Variants in PTPRO observed in about 807,000 individuals in gnomAD.
PTPRO encodes the protein protein tyrosine phosphatase receptor type O, also known as receptor-type tyrosine-protein phosphatase O.
A neutral mutation model predicts 145.2 loss-of-function variants in PTPRO; 62 were observed. That is an observed-to-expected ratio of 0.43 (90% CI 0.35 to 0.53). The LOEUF is 0.53. Among genes scored for constraint, PTPRO ranks in the 20% least tolerant of loss-of-function variants. PTPRO has a pLI of 0.01. For synonymous variants in PTPRO, 565 were observed against 514.7 expected (o/e 1.10, Z -1.32); for missense variants, 1,345 against 1,482.7 (o/e 0.91, Z 1.53).
intron 1 of PTPRO, among the ~76,000 whole-genome samples, chr12:15,400,280 T>G (rs1200735678): frequency 6.6e-6 from 1 of 151,744 alleles, no homozygotes; most frequent in Non-Finnish European, 1.5e-5. Context: ...TGTGAGCCAC[T>G]GTGCCAATGT....
intron 25 of PTPRO, among the ~76,000 whole-genome samples, chr12:15,593,512 T>C (rs1212237587): frequency 6.6e-6 from 1 of 152,226 alleles, no homozygotes; most frequent in African/African-American, 2.4e-5. Flanking sequence ...TGTATGTATA[T>C]ATGTGTGTTA....
chr12:15,508,710 G>C lies in PTPRO; in HGVS notation c.1407G>C (p.Ser469=). 6.2e-7 allele frequency: 1 copy of C among 1,614,102 alleles called. No individual in the cohort carries two copies. The highest frequency in any genetic ancestry group is 8.5e-7 in the Non-Finnish European group (1 of 1,179,990). Residue 469 remains serine (S), a synonymous_variant, in exon 7 of 27, where the codon TCG becomes TCC. Coordinates refer to ENST00000281171, the MANE Select transcript of PTPRO (RefSeq NM_030667.3). ...NYNSTIVSVV[S]LTCQKQKESQ... Reference sequence around the variant, plus strand: ...ACAGCACCATTGTGTCTGTGGTGTCGCTGACCTGCCAGAAACAAAAGGAGA... The same window carrying C: ...ACAGCACCATTGTGTCTGTGGTGTCCCTGACCTGCCAGAAACAAAAGGAGA...
intron 2 of PTPRO, among the ~76,000 whole-genome samples, chr12:15,488,328 G>A (rs1291051929): frequency 6.6e-6 from 1 of 152,132 alleles, no homozygotes; most frequent in African/African-American, 2.4e-5. Flanking sequence ...TCAGAAGTGG[G>A]AATTAGTGCA....
chr12:15,557,272 C>T (rs1766713293), intron 15 of PTPRO, among the ~76,000 whole-genome samples, 183 bp from the exon 16 acceptor site: 1 of 152,234 alleles, frequency 6.6e-6, no homozygotes, highest in African/African-American at 2.4e-5. Flanking sequence ...TCAGGTGATC[C>T]GCCCACCTCG....
At chr12:15,543,545 C>T (rs774470743) in intron 12 of PTPRO, among the ~76,000 whole-genome samples, 1 of 152,148 alleles carries the variant, frequency 6.6e-6, no homozygotes. Flanking sequence ...TTGAATCCTC[C>T]TCTTTTGGTT....
At chr12:15,431,782 T>G (rs1591805644) in intron 1 of PTPRO, among the ~76,000 whole-genome samples, 3 of 152,214 alleles carry the variant, frequency 2.0e-5, no homozygotes, top group Admixed American at 2.0e-4. Flanking sequence ...GAACGATAGA[T>G]TATGATGATA....
chr12:15,451,966 C>T (rs1470697353), intron 1 of PTPRO, among the ~76,000 whole-genome samples: 1 of 151,890 alleles, frequency 6.6e-6, no homozygotes, highest in African/African-American at 2.4e-5. Flanking sequence ...CAAACTCAAA[C>T]CTAGCAGAAG....
intron 1 of PTPRO, among the ~76,000 whole-genome samples, chr12:15,461,566 CTTTTTTTTTT>C (rs141018489): frequency 2.8e-5 from 2 of 70,520 alleles, no homozygotes; most frequent in African/African-American, 9.1e-5. Flanking sequence ...ATTGCTATAG[CTTTTTTTTTT>C]TTTTTTTTTT....
chr12:15,458,590 G>T (rs534057295), intron 1 of PTPRO, among the ~76,000 whole-genome samples: 16 of 150,516 alleles, frequency 1.1e-4, no homozygotes, highest in African/African-American at 3.9e-4. Context: ...CTCCAAGTTT[G>T]CTGATCCTTT....
intron 1 of PTPRO, among the ~76,000 whole-genome samples, chr12:15,375,870 C>T (rs1398731826): frequency 1.3e-5 from 2 of 151,452 alleles, no homozygotes; most frequent in African/African-American, 4.9e-5. Context: ...TACTCAACAG[C>T]ATATTTGAGT....
At chr12:15,333,368 T>C (rs555434704) in intron 1 of PTPRO, among the ~76,000 whole-genome samples, 9 of 152,330 alleles carry the variant, frequency 5.9e-5, no homozygotes, top group African/African-American at 2.2e-4. Context: ...ACTTAGCTCC[T>C]CTATGGGAAT....
chr12:15,438,440 T>C (rs963483239), intron 1 of PTPRO, among the ~76,000 whole-genome samples: 10 of 151,712 alleles, frequency 6.6e-5, no homozygotes, highest in Non-Finnish European at 1.3e-4. Flanking sequence ...CAAGACAAGG[T>C]TGAAAATCAA....
chr12:15,476,675 C>A (rs1474288384), intron 1 of PTPRO, among the ~76,000 whole-genome samples: 1 of 152,070 alleles, frequency 6.6e-6, no homozygotes, highest in Non-Finnish European at 1.5e-5. Flanking sequence ...CCTAGGTTTT[C>A]TTCTAGGGTT....
At chr12:15,589,353 G>T (rs1259256062) in intron 24 of PTPRO, 102 bp from the exon 25 acceptor site, 2 of 1,523,830 alleles carry the variant, frequency 1.3e-6, no homozygotes, top group East Asian at 4.6e-5. Flanking sequence ...TCCAGCCTGG[G>T]CAACAGAGCA....
At position 15,525,436 on chromosome 12, in the gene PTPRO, A is replaced by G. The variant is rs537094279; in HGVS notation, c.2043+471A>G. On this transcript the variant is annotated intron_variant, in intron 11 of 26. Transcript: ENST00000281171. ...TGGCTCAAACAAAATAGAAGTTTAT[A>G]CCTCTCCCATGATAGCACAGGACTA... Among the ~76,000 whole-genome samples the G allele has an allele frequency of 2.6e-5, 4 of 152,256 alleles. No homozygotes were observed. The South Asian group carries it at 8.3e-4, about 32-fold the overall frequency.
At chr12:15,500,674 C>T (rs1361413630) in intron 4 of PTPRO, among the ~76,000 whole-genome samples, 2 of 152,182 alleles carry the variant, frequency 1.3e-5, no homozygotes, top group Non-Finnish European at 2.9e-5. Flanking sequence ...GTAATCCCAG[C>T]ACTTTGGGAG....
chr12:15,570,616 A>G (rs1032097351), intron 19 of PTPRO, among the ~76,000 whole-genome samples: 5 of 152,194 alleles, frequency 3.3e-5, no homozygotes, highest in African/African-American at 1.2e-4. Flanking sequence ...TAGATGCTAC[A>G]CCAAATGCTA....
intron 22 of PTPRO, 94 bp from the exon 23 acceptor site, chr12:15,581,584 CT>C: frequency 6.9e-7 from 1 of 1,444,648 alleles, no homozygotes; most frequent in Non-Finnish European, 9.7e-7. Context: ...CTATCTAATT[CT>C]TTAGAGGCGA....
chr12:15,579,997 C>T, intron 20 of PTPRO, 42 bp from the exon 21 acceptor site: 11 of 1,520,152 alleles, frequency 7.2e-6, no homozygotes, highest in Non-Finnish European at 1.0e-5. Context: ...ATTTTTCCTT[C>T]CATCTTGAAT....
Sources: gnomAD v4.1 joint callset for allele counts (sites outside exome capture counted in the v4.1 genomes callset) on GRCh38, gnomAD v4.1.1 for gene constraint, MANE v1.5 for transcripts, NCBI Gene and HGNC (gene_info 2026-07-23, HGNC 2026-07-21) for gene names.